Variants in GALNT17 observed in about 807,000 individuals in gnomAD.
The protein encoded by GALNT17 is polypeptide N-acetylgalactosaminyltransferase 17, also known as UDP-GalNAc:polypeptide N-acetylgalactosaminyltransferase-like 3.
GALNT17 carries 29 observed loss-of-function variants against 63.7 expected under a neutral mutation model. The observed-to-expected ratio is 0.46, with a 90% CI of 0.34 to 0.62. GALNT17 has a LOEUF of 0.62. Ranked by LOEUF, GALNT17 falls within the 20% of genes least tolerant of loss-of-function variation. GALNT17 has a pLI of 0.01. For synonymous variants in GALNT17, 305 were observed against 318.3 expected (o/e 0.96, Z 0.45); for missense variants, 603 against 799.6 (o/e 0.75, Z 2.97).
At chr7:71,505,808 C>T (rs1416911065) in intron 5 of GALNT17, among the ~76,000 whole-genome samples, 2 of 152,202 alleles carry the variant, frequency 1.3e-5, no homozygotes. Context: ...CCTCAGAGAA[C>T]TTATTTAAAA....
intron 1 of GALNT17, among the ~76,000 whole-genome samples, chr7:71,203,052 T>C (rs761898344): frequency 7.2e-5 from 11 of 152,200 alleles, no homozygotes; most frequent in Admixed American, 4.6e-4. Flanking sequence ...CATCCATTGA[T>C]GGACACTTAG....
intron 1 of GALNT17, among the ~76,000 whole-genome samples, chr7:71,278,360 C>T (rs1199699457): frequency 6.6e-6 from 1 of 152,180 alleles, no homozygotes; most frequent in Non-Finnish European, 1.5e-5. Context: ...AAGATGTTGG[C>T]AGACCACGCT....
At chr7:71,369,811 C>CAAAAAA (rs763387719) in intron 2 of GALNT17, among the ~76,000 whole-genome samples, 22 of 72,130 alleles carry the variant, frequency 3.1e-4, no homozygotes, top group Non-Finnish European at 5.6e-4. Flanking sequence ...GGCTTTTTGT[C>CAAAAAA]AAAAAAAAAA....
intron 1 of GALNT17, among the ~76,000 whole-genome samples, chr7:71,322,895 G>C (rs1791641915): frequency 6.6e-6 from 1 of 152,062 alleles, no homozygotes; most frequent in Non-Finnish European, 1.5e-5. Context: ...CTAGAACTAT[G>C]AGACATAAAG....
intron 2 of GALNT17, among the ~76,000 whole-genome samples, chr7:71,339,064 T>C (rs1031735986): frequency 6.6e-6 from 1 of 152,224 alleles, no homozygotes; most frequent in Non-Finnish European, 1.5e-5. Flanking sequence ...TATTAGGACA[T>C]TGGCAAATAA....
At chr7:71,233,490 G>C (rs930627142) in intron 1 of GALNT17, among the ~76,000 whole-genome samples, 1 of 152,200 alleles carries the variant, frequency 6.6e-6, no homozygotes, top group Admixed American at 6.5e-5. Context: ...TGCAAAGAGA[G>C]ATAGAACTGC....
intron 5 of GALNT17, among the ~76,000 whole-genome samples, chr7:71,447,351 T>C (rs2116537387): frequency 6.6e-6 from 1 of 152,356 alleles, no homozygotes; most frequent in South Asian, 2.1e-4. Flanking sequence ...TTGAGCATCC[T>C]AAATTGGAAA....
chr7:71,614,724 CAG>C (rs1042819363), intron 6 of GALNT17, among the ~76,000 whole-genome samples: 2 of 146,538 alleles, frequency 1.4e-5, no homozygotes, highest in African/African-American at 2.5e-5. Context: ...AAAAAAGAAA[CAG>C]AAAGAAAAAG....
In GALNT17 at chr7:71,670,081, G is replaced by A. The variant is rs1287742836; in HGVS notation, c.1376G>A (p.Arg459Lys). 6.2e-7 allele frequency: 1 copy of A among 1,614,040 alleles called. No individual in the cohort carries two copies. The highest frequency in any genetic ancestry group is 8.5e-7 in the Non-Finnish European group (1 of 1,180,032). Reference protein sequence around the residue: ...YLDHVYPEMRRYNNTVAYGEL... With the variant: ...YLDHVYPEMRKYNNTVAYGEL... Reference sequence around the variant, plus strand: ...GACCATGTTTACCCAGAAATGAGAAGATACAATAATACCGTTGCTTACGGG... The same window carrying A: ...GACCATGTTTACCCAGAAATGAGAAAATACAATAATACCGTTGCTTACGGG... Residue 459 changes from arginine to lysine, a missense_variant, in exon 8 of 11, where the codon AGA (arginine) becomes AAA (lysine). By Grantham distance (26) the Arg-to-Lys change is conservative. Coordinates refer to ENST00000333538, the MANE Select transcript of GALNT17 (RefSeq NM_022479.3).
chr7:71,160,403 C>A (rs1323380805), intron 1 of GALNT17, among the ~76,000 whole-genome samples: 1 of 152,178 alleles, frequency 6.6e-6, no homozygotes, highest in Non-Finnish European at 1.5e-5. Flanking sequence ...TCTCATGTTG[C>A]TATAGGCAGA....
chr7:71,644,659 G>A (rs11763105), intron 6 of GALNT17, among the ~76,000 whole-genome samples: 65,636 of 151,690 alleles, frequency 0.43, 16,449 homozygotes, highest in East Asian at 0.73. Flanking sequence ...GCTGAGACAG[G>A]AGGATTGCTT....
At chr7:71,703,278 G>T (rs1475762839) in intron 9 of GALNT17, among the ~76,000 whole-genome samples, 2 of 152,158 alleles carry the variant, frequency 1.3e-5, no homozygotes, top group Admixed American at 1.3e-4. Flanking sequence ...GGTTTAATTG[G>T]CTTTTGGCTG....
intron 2 of GALNT17, among the ~76,000 whole-genome samples, chr7:71,344,236 T>C (rs1172427190): frequency 1.3e-5 from 2 of 152,056 alleles, no homozygotes; most frequent in African/African-American, 2.4e-5. Flanking sequence ...GAACAGCAAG[T>C]GCAATGATAA....
chr7:71,221,721 G>C (rs1378579976), intron 1 of GALNT17, among the ~76,000 whole-genome samples: 1 of 152,112 alleles, frequency 6.6e-6, no homozygotes, highest in Non-Finnish European at 1.5e-5. Context: ...TCTGCACGCT[G>C]CTGCCTTTGA....
intron 2 of GALNT17, among the ~76,000 whole-genome samples, chr7:71,377,340 A>T (rs913505741): frequency 1.5e-5 from 2 of 132,488 alleles, no homozygotes; most frequent in African/African-American, 6.2e-5. Context: ...TGGAGCCAGT[A>T]GGTGAATATT....
chr7:71,674,019 G>A (rs969852948), intron 8 of GALNT17, among the ~76,000 whole-genome samples: 1 of 152,208 alleles, frequency 6.6e-6, no homozygotes, highest in Non-Finnish European at 1.5e-5. Context: ...CCCTTGAGCC[G>A]TACAGTGGGG....
Position 71,677,255 on chromosome 7 carries a change from G to A in GALNT17, c.1449G>A (p.Pro483=), listed in dbSNP as rs77485397. 5,919 of 1,613,898 alleles carry A rather than the reference G, an allele frequency of 3.7e-3. 94 individuals carry two copies. The highest frequency in any genetic ancestry group is 0.036 in the Admixed American group (2,184 of 59,986). Reference sequence around the variant, plus strand: ...AAGACGTCTGCTTGGACCAGGGGCCGCTGGAGAACCACACAGCAATATTGT... The same window carrying A: ...AAGACGTCTGCTTGGACCAGGGGCCACTGGAGAACCACACAGCAATATTGT... ...KAKDVCLDQG[P]LENHTAILYP... Residue 483 remains proline, a synonymous_variant, in exon 9 of 11, where the codon CCG becomes CCA. Transcript: ENST00000333538.
intron 1 of GALNT17, among the ~76,000 whole-genome samples, chr7:71,217,047 T>C (rs544212585): frequency 3.3e-5 from 5 of 152,174 alleles, no homozygotes; most frequent in African/African-American, 4.8e-5. Context: ...CACTGCAGCC[T>C]CAACCTTCTC....
intron 1 of GALNT17, among the ~76,000 whole-genome samples, chr7:71,316,498 G>A (rs1791504028): frequency 6.6e-6 from 1 of 152,068 alleles, no homozygotes; most frequent in Non-Finnish European, 1.5e-5. Flanking sequence ...TCTGATTTTG[G>A]CTTTGATTAT....
Sources: gnomAD v4.1 joint callset for allele counts (sites outside exome capture counted in the v4.1 genomes callset) on GRCh38, gnomAD v4.1.1 for gene constraint, MANE v1.5 for transcripts, NCBI Gene and HGNC (gene_info 2026-07-23, HGNC 2026-07-21) for gene names.